TMC1: variants seen among roughly 807,000 people sequenced by gnomAD.
The protein encoded by TMC1 is transmembrane channel-like protein 1.
A neutral mutation model predicts 105.8 loss-of-function variants in TMC1; 84 were observed. The ratio of observed to expected loss-of-function variants is 0.79; its 90% CI spans 0.67 to 0.95. The LOEUF is 0.95. TMC1 is among the 40% of genes least tolerant of loss of function. The probability of loss-of-function intolerance (pLI) is 0.00; values close to 1 mark genes in which losing one functional copy is unlikely to be tolerated. For synonymous variants in TMC1, 315 were observed against 311.5 expected (o/e 1.01, Z -0.12); for missense variants, 817 against 914.1 (o/e 0.89, Z 1.37).
At chr9:72,609,475 G>A (rs1824986581) in intron 2 of TMC1, among the ~76,000 whole-genome samples, 1 of 152,160 alleles carries the variant, frequency 6.6e-6, no homozygotes, top group East Asian at 1.9e-4. Context: ...AGGAGGCAGA[G>A]GTTGTAGTGA....
At chr9:72,692,191 G>A (rs1252992373) in intron 6 of TMC1, among the ~76,000 whole-genome samples, 1 of 152,162 alleles carries the variant, frequency 6.6e-6, no homozygotes, top group African/African-American at 2.4e-5. Flanking sequence ...TTTCCTGTCA[G>A]TGCTCAGATT....
At chr9:72,676,249 T>C (rs1014272056) in intron 5 of TMC1, among the ~76,000 whole-genome samples, 2 of 152,278 alleles carry the variant, frequency 1.3e-5, no homozygotes, top group African/African-American at 4.8e-5. Context: ...GTGAAGTGGT[T>C]TCTAATATCA....
intron 2 of TMC1, among the ~76,000 whole-genome samples, chr9:72,588,416 T>C (rs1400936724): frequency 6.6e-6 from 1 of 152,118 alleles, no homozygotes; most frequent in Non-Finnish European, 1.5e-5. Flanking sequence ...GCTATAATCA[T>C]CTGAATGCTT....
Position 72,820,441 on chromosome 9 carries a change from T to C in TMC1, c.1764-401T>C, listed in dbSNP as rs117646898. ...TAGAAGAAGTGACTTTAAGGGTTAA[T>C]TATTTTTAACAAGTTATATTTATAG... On this transcript the variant is annotated intron_variant, in intron 19 of 23. Transcript: ENST00000297784. Among the ~76,000 whole-genome samples the C allele has an allele frequency of 9.8e-3, 1,493 of 152,304 alleles. 48 individuals carry two copies. Among genetic ancestry groups the C allele is most frequent in the Admixed American group, 0.069 (1,055 of 15,288 alleles).
intron 4 of TMC1, among the ~76,000 whole-genome samples, chr9:72,636,707 C>CAA (rs59553107): frequency 2.4e-5 from 2 of 83,232 alleles, no homozygotes; most frequent in East Asian, 3.5e-4. Context: ...GACTCCATCT[C>CAA]AAAAAAAAAA....
chr9:72,627,679 A>G (rs1825372574), intron 3 of TMC1, among the ~76,000 whole-genome samples: 1 of 149,566 alleles, frequency 6.7e-6, no homozygotes, highest in South Asian at 2.1e-4. Flanking sequence ...GAGGTTGTAC[A>G]CACAGACAGA....
At chr9:72,829,161 T>G (rs1829003602) in intron 21 of TMC1, among the ~76,000 whole-genome samples, 1 of 152,214 alleles carries the variant, frequency 6.6e-6, no homozygotes, top group Admixed American at 6.5e-5. Context: ...AGATCTCATC[T>G]TCTATTTTTG....
chr9:72,788,587 A>C, intron 14 of TMC1, 104 bp downstream of exon 14: 1 of 1,234,680 alleles, frequency 8.1e-7, no homozygotes, highest in Non-Finnish European at 1.2e-6. Flanking sequence ...TTTACATGAA[A>C]GATTAACTCA....
chr9:72,606,980 TGC>T (rs1824926928), intron 2 of TMC1, among the ~76,000 whole-genome samples: 1 of 125,086 alleles, frequency 8.0e-6, no homozygotes, highest in African/African-American at 3.4e-5. Flanking sequence ...TGTGTGTGTG[TGC>T]ATATATATAT....
intron 6 of TMC1, among the ~76,000 whole-genome samples, chr9:72,692,921 C>A (rs78572342): frequency 6.6e-6 from 1 of 152,062 alleles, no homozygotes; most frequent in Non-Finnish European, 1.5e-5. Flanking sequence ...GAGTTCACGA[C>A]CAGCCTGGCC....
chr9:72,809,329 G>A (rs992043377), intron 18 of TMC1, among the ~76,000 whole-genome samples: 2 of 152,144 alleles, frequency 1.3e-5, no homozygotes, highest in Non-Finnish European at 2.9e-5. Context: ...AGAAAGTACA[G>A]GAAAAAAGAC....
intron 10 of TMC1, among the ~76,000 whole-genome samples, chr9:72,742,855 T>A (rs187183832): frequency 2.0e-4 from 31 of 152,344 alleles, no homozygotes; most frequent in Non-Finnish European, 3.5e-4. Context: ...AAGGCAGAGA[T>A]TTTATTTTGG....
At chr9:72,652,268 T>C (rs1825825627) in intron 5 of TMC1, among the ~76,000 whole-genome samples, 1 of 152,192 alleles carries the variant, frequency 6.6e-6, no homozygotes, top group Non-Finnish European at 1.5e-5. Flanking sequence ...GTTTGGGATA[T>C]GGCTTGATTA....
intron 5 of TMC1, 45 bp downstream of exon 5, chr9:72,648,709 G>A (rs1264926699): frequency 6.5e-7 from 1 of 1,548,290 alleles, no homozygotes; most frequent in South Asian, 1.1e-5. Flanking sequence ...ATGTCTTTCT[G>A]AGAGGTATAA....
chr9:72,648,560 A>G, intron 4 of TMC1, 37 bp from the exon 5 acceptor site: 1 of 1,178,082 alleles, frequency 8.5e-7, no homozygotes, highest in Non-Finnish European at 1.3e-6. Flanking sequence ...TGGATGTGCT[A>G]GATCAAACCT....
chr9:72,709,671 A>T (rs149377819), intron 8 of TMC1, among the ~76,000 whole-genome samples: 1 of 152,052 alleles, frequency 6.6e-6, no homozygotes, highest in South Asian at 2.1e-4. Context: ...AGTAGCCTTG[A>T]GTGATCTTTT....
intron 18 of TMC1, 123 bp from the exon 19 acceptor site, chr9:72,816,020 A>T (rs1322211554): frequency 2.4e-6 from 2 of 826,818 alleles, no homozygotes; most frequent in Middle Eastern, 4.5e-4. Context: ...TATCCTAGTG[A>T]TTATTCTGCT....
intron 1 of TMC1, among the ~76,000 whole-genome samples, chr9:72,561,317 CAAAAAAAAAAAA>C (rs375862130): frequency 1.3e-5 from 1 of 76,414 alleles, no homozygotes; most frequent in Admixed American, 1.7e-4. Context: ...GACTCCGTCT[CAAAAAAAAAAAA>C]AAAAAAAAAA....
At chr9:72,751,410 TG>T (rs1472803974) in intron 10 of TMC1, among the ~76,000 whole-genome samples, 3 of 152,232 alleles carry the variant, frequency 2.0e-5, no homozygotes, top group Non-Finnish European at 4.4e-5. Flanking sequence ...ATTGTTTGCC[TG>T]AGAAAAGGAA....
Sources: allele counts gnomAD v4.1 joint callset (sites outside exome capture counted in the v4.1 genomes callset), GRCh38; gene constraint gnomAD v4.1.1; transcripts MANE v1.5; gene names NCBI Gene and HGNC (gene_info 2026-07-23, HGNC 2026-07-21).